The following LRRIQ1 variants were observed in gnomAD, a reference collection of about 807,000 sequenced individuals.
LRRIQ1 encodes the protein leucine rich repeats and IQ motif containing 1.
LRRIQ1 carries 210 observed loss-of-function variants against 211.9 expected under a neutral mutation model. The observed-to-expected ratio is 0.99, with a 90% CI of 0.89 to 1.11. LRRIQ1 has a LOEUF of 1.11. Among genes scored for constraint, LRRIQ1 ranks in the 50% most tolerant of loss-of-function variants. LRRIQ1 has a pLI of 0.00. For missense variants in LRRIQ1, 2,136 were observed against 1,939.5 expected, an observed-to-expected ratio of 1.10 and a Z score of -1.90; for synonymous variants, 699 against 650.1, an observed-to-expected ratio of 1.08 and a Z score of -1.14.
intron 24 of LRRIQ1, among the ~76,000 whole-genome samples, chr12:85,188,044 G>T (rs564288444): frequency 6.6e-6 from 1 of 151,890 alleles, no homozygotes; most frequent in African/African-American, 2.4e-5. Flanking sequence ...GCTATGACTA[G>T]AATGTCTTTA....
chr12:85,255,894 A>C (rs190472207), intron 1 of LRRIQ1, among the ~76,000 whole-genome samples: 2 of 151,878 alleles, frequency 1.3e-5, no homozygotes, highest in East Asian at 1.9e-4. Flanking sequence ...TTGCTGTTAC[A>C]CCAAGAGCAT....
At position 85,106,258 on chromosome 12, in the gene LRRIQ1, C is replaced by A. The variant is rs73379795; in HGVS notation, c.3284-264C>A. On this transcript the variant is annotated intron_variant, in intron 14 of 26. Transcript: ENST00000393217. ...TTTTACACACATTATCTCATTTAAT[C>A]CTAACCCTATAAGACAGATATGAAC... Among the ~76,000 whole-genome samples, 275 of 152,222 alleles carry A rather than the reference C, an allele frequency of 1.8e-3. 2 individuals are homozygous for A. Among genetic ancestry groups the A allele is most frequent in the African/African-American group, 6.5e-3 (271 of 41,534 alleles).
chr12:85,064,438 T>G (rs913570814), intron 8 of LRRIQ1, among the ~76,000 whole-genome samples: 1 of 151,858 alleles, frequency 6.6e-6, no homozygotes, highest in Non-Finnish European at 1.5e-5. Context: ...GTCAGATGGA[T>G]AGTTTGCAAG....
At chr12:85,079,601 T>C (rs1013847751) in intron 11 of LRRIQ1, among the ~76,000 whole-genome samples, 3 of 152,160 alleles carry the variant, frequency 2.0e-5, no homozygotes, top group Non-Finnish European at 4.4e-5. Context: ...CGAAAATTTG[T>C]TGATTTTGTT....
intron 1 of LRRIQ1, among the ~76,000 whole-genome samples, chr12:85,255,367 CAGG>C (rs745346587): frequency 2.6e-5 from 4 of 151,918 alleles, no homozygotes; most frequent in South Asian, 2.1e-4. Context: ...CACAGTTTCA[CAGG>C]AGAAGTCAAC....
intron 1 of LRRIQ1, among the ~76,000 whole-genome samples, chr12:85,262,672 CATT>C (rs1048952581): frequency 4.0e-5 from 6 of 151,820 alleles, no homozygotes; most frequent in African/African-American, 1.5e-4. Flanking sequence ...AGAAGGAAAC[CATT>C]ATATCTATTT....
In LRRIQ1 at chr12:85,098,898, G is replaced by A. The variant is rs776236823; in HGVS notation, c.3113G>A (p.Arg1038Lys). ...LPSLENLVLLRELHLDDNSIS... is the reference protein window; with the variant it reads ...LPSLENLVLLKELHLDDNSIS... ...TCCTTGGAGAATCTTGTTTTACTAA[G>A]AGAATTGCACTTGGATGATAACAGC... The change falls in exon 13 of 27, where the codon AGA becomes AAA. Residue 1038 changes from arginine to lysine, a missense_variant. Arg to Lys is a conservative substitution (Grantham distance 26). Coordinates refer to ENST00000393217, the MANE Select transcript of LRRIQ1 (RefSeq NM_001079910.2). 2.0e-5 allele frequency: 31 copies of A among 1,559,796 alleles called. No homozygotes were observed. The highest frequency in any genetic ancestry group is 2.6e-5 in the Non-Finnish European group (30 of 1,152,316).
chr12:85,212,673 C>A (rs1893890084), intron 24 of LRRIQ1, among the ~76,000 whole-genome samples: 1 of 150,514 alleles, frequency 6.6e-6, no homozygotes, highest in Admixed American at 6.6e-5. Flanking sequence ...AAAATGGTTA[C>A]TTTTAGATTA....
chr12:85,082,874 G>T (rs1179423285), intron 11 of LRRIQ1, among the ~76,000 whole-genome samples: 4 of 152,152 alleles, frequency 2.6e-5, no homozygotes. Flanking sequence ...TGGAATGAAA[G>T]TTTGGCCTCT....
intron 3 of LRRIQ1, among the ~76,000 whole-genome samples, chr12:85,042,287 C>T (rs934999741): frequency 6.6e-6 from 1 of 150,702 alleles, no homozygotes; most frequent in African/African-American, 2.4e-5. Flanking sequence ...TAAATCAGAG[C>T]CTTATAAAAG....
At chr12:85,079,901 T>G (rs1884088719) in intron 11 of LRRIQ1, among the ~76,000 whole-genome samples, 1 of 152,130 alleles carries the variant, frequency 6.6e-6, no homozygotes, top group Non-Finnish European at 1.5e-5. Context: ...AATGGTAGTA[T>G]TATTATGTAA....
intron 11 of LRRIQ1, among the ~76,000 whole-genome samples, chr12:85,083,685 G>T (rs951788620): frequency 6.6e-6 from 1 of 152,074 alleles, no homozygotes; most frequent in Admixed American, 6.5e-5. Context: ...TGATCTGCCT[G>T]CCTTGGCCTC....
Position 85,098,960 on chromosome 12 carries a change from C to T in LRRIQ1, c.3175C>T (p.Pro1059Ser), listed in dbSNP as rs1329267971. 17 of 1,569,400 alleles carry T rather than the reference C, an allele frequency of 1.1e-5. No individual in the cohort carries two copies. The Admixed American group carries it at 3.1e-4, about 28-fold the overall frequency. The change falls in exon 13 of 27, where the codon CCT (proline) becomes TCT (serine). Residue 1059 changes from proline to serine, a missense_variant. By Grantham distance (74) the Pro-to-Ser change is moderately conservative. Transcript: ENST00000393217. ...TVEAFSSYWL[P>S]LLQNITISQN... The stretch of plus-strand genomic sequence containing the variant: ...GGAAGCATTTTCTTCATACTGGCTG[C>T]CTTTACTACAAAATATTACTATCTC...
At chr12:85,134,426 C>A (rs866772162) in intron 18 of LRRIQ1, among the ~76,000 whole-genome samples, 2 of 152,010 alleles carry the variant, frequency 1.3e-5, no homozygotes, top group South Asian at 2.1e-4. Flanking sequence ...GTCTCAGTCC[C>A]CTTTAAAATG....
intron 24 of LRRIQ1, among the ~76,000 whole-genome samples, chr12:85,197,685 G>C (rs1025106794): frequency 6.6e-6 from 1 of 151,648 alleles, no homozygotes; most frequent in South Asian, 2.1e-4. Flanking sequence ...TTGTGGGGTG[G>C]TGGGAGTGGG....
At chr12:85,102,786 C>G (rs1324224445) in intron 13 of LRRIQ1, among the ~76,000 whole-genome samples, 2 of 150,690 alleles carry the variant, frequency 1.3e-5, no homozygotes, top group East Asian at 3.9e-4. Context: ...CCTTCCAGGA[C>G]AACTGGAGGG....
chr12:85,056,554 A>C lies in LRRIQ1; in HGVS notation c.1761A>C (p.Glu587Asp), dbSNP rs777589893. 6.2e-7 allele frequency: 1 copy of C among 1,606,204 alleles called. No individual in the cohort carries two copies. Among genetic ancestry groups the C allele is most frequent in the Admixed American group, 1.7e-5 (1 of 58,932 alleles). ...DNQQKKIQKV[E>D]KEEIQEQNGL... Reference sequence around the variant, plus strand: ...AGCAGAAAAAGATACAAAAAGTAGAAAAAGAAGAGATACAAGAACAGAATG... The same window carrying C: ...AGCAGAAAAAGATACAAAAAGTAGACAAAGAAGAGATACAAGAACAGAATG... The change falls in exon 8 of 27, where the codon GAA becomes GAC. Residue 587 changes from glutamate (E) to aspartate (D), a missense_variant. Glu to Asp is a conservative substitution (Grantham distance 45, BLOSUM62 2). Coordinates refer to ENST00000393217, the MANE Select transcript of LRRIQ1 (RefSeq NM_001079910.2).
At chr12:85,211,223 A>G (rs1392740985) in intron 24 of LRRIQ1, among the ~76,000 whole-genome samples, 1 of 152,196 alleles carries the variant, frequency 6.6e-6, no homozygotes, top group Non-Finnish European at 1.5e-5. Flanking sequence ...TTTCACTCTT[A>G]TATACCCAAG....
intron 26 of LRRIQ1, chr12:85,233,173 A>G (rs1895026967): frequency 5.0e-6 from 1 of 201,988 alleles, no homozygotes; most frequent in African/African-American, 2.4e-5. Flanking sequence ...ACTCTATGTA[A>G]TAAAGTGTAA....
Sources: allele counts gnomAD v4.1 joint callset (sites outside exome capture counted in the v4.1 genomes callset), GRCh38; gene constraint gnomAD v4.1.1; transcripts MANE v1.5; gene names NCBI Gene and HGNC (gene_info 2026-07-23, HGNC 2026-07-21).